ADGRB3: variants seen among roughly 807,000 people sequenced by gnomAD.
ADGRB3 encodes adhesion G protein-coupled receptor B3, also known as brain-specific angiogenesis inhibitor 3.
In ADGRB3, 37 loss-of-function variants were observed where a neutral mutation model predicts 193.4. The observed-to-expected ratio is 0.19, with a 90% CI of 0.15 to 0.25. The LOEUF (loss-of-function observed/expected upper bound fraction) is 0.25. Among genes scored for constraint, ADGRB3 ranks in the 10% least tolerant of loss-of-function variants. The pLI is 1.00. For missense variants in ADGRB3, 1,637 were observed against 1,852.9 expected (o/e 0.88, Z 2.14); for synonymous variants, 690 against 644.2 (o/e 1.07, Z -1.08).
In ADGRB3 at chr6:69,040,390, T is replaced by TC. The variant is rs1447193036; in HGVS notation, c.2108-7794dup. Among the ~76,000 whole-genome samples the TC allele has an allele frequency of 7.8e-5, 11 of 140,432 alleles. No homozygotes were observed. In the East Asian group the frequency reaches 2.2e-3, roughly 28 times the overall value. 92.1% of individuals were successfully genotyped at this position (140,432 alleles called of 152,430 possible). On this transcript the variant is annotated intron_variant, in intron 13 of 31. Transcript: ENST00000370598. ...CTTTCTTTCTTTCCTTCTCTCTCTT[T>TC]CTTTCCTTCACGCAGGTGACTCCAT...
chr6:69,192,442 C>T (rs1010687451), intron 17 of ADGRB3, among the ~76,000 whole-genome samples: 1 of 152,090 alleles, frequency 6.6e-6, no homozygotes, highest in African/African-American at 2.4e-5. Flanking sequence ...TCTGCCTCTC[C>T]CAGTCCACTG....
At chr6:68,766,669 T>C (rs1766512704) in intron 3 of ADGRB3, among the ~76,000 whole-genome samples, 1 of 152,056 alleles carries the variant, frequency 6.6e-6, no homozygotes, top group African/African-American at 2.4e-5. Flanking sequence ...ACATGTATAC[T>C]AAATGATTCC....
intron 11 of ADGRB3, 81 bp downstream of exon 11, chr6:68,994,043 T>G: frequency 7.3e-7 from 1 of 1,376,928 alleles, no homozygotes; most frequent in Non-Finnish European, 1.0e-6. Flanking sequence ...TGCAGCCGTC[T>G]TGGAGGCGGA....
At chr6:69,090,911 G>T (rs898688652) in intron 17 of ADGRB3, among the ~76,000 whole-genome samples, 1 of 152,066 alleles carries the variant, frequency 6.6e-6, no homozygotes, top group East Asian at 1.9e-4. Context: ...TTAGAAAGAA[G>T]AAACTTTCCT....
chr6:69,127,267 C>G (rs1373010239), intron 17 of ADGRB3, among the ~76,000 whole-genome samples: 1 of 152,174 alleles, frequency 6.6e-6, no homozygotes, highest in Non-Finnish European at 1.5e-5. Flanking sequence ...CATCACAAGC[C>G]CACCAAAACA....
At chr6:69,005,869 T>C (rs1769734693) in intron 11 of ADGRB3, among the ~76,000 whole-genome samples, 1 of 152,184 alleles carries the variant, frequency 6.6e-6, no homozygotes, top group South Asian at 2.1e-4. Flanking sequence ...ATATTCTTCT[T>C]ATGCCTTGGT....
At chr6:69,348,078 A>G (rs538091926) in intron 26 of ADGRB3, among the ~76,000 whole-genome samples, 9 of 152,292 alleles carry the variant, frequency 5.9e-5, no homozygotes, top group Admixed American at 3.3e-4. Flanking sequence ...CTATTATATT[A>G]TGAATATTTA....
At chr6:68,735,477 A>G (rs549394007) in intron 3 of ADGRB3, among the ~76,000 whole-genome samples, 3 of 152,200 alleles carry the variant, frequency 2.0e-5, no homozygotes, top group African/African-American at 7.2e-5. Flanking sequence ...TAGAAAAGAT[A>G]TCTATTAATT....
chr6:68,915,606 G>A (rs1001539942), intron 3 of ADGRB3, among the ~76,000 whole-genome samples: 9 of 152,026 alleles, frequency 5.9e-5, no homozygotes, highest in African/African-American at 1.4e-4. Flanking sequence ...GAGTGTCCTC[G>A]GCCTTTGTAG....
intron 17 of ADGRB3, among the ~76,000 whole-genome samples, chr6:69,158,654 G>A (rs558547192): frequency 6.6e-6 from 1 of 152,164 alleles, no homozygotes; most frequent in East Asian, 1.9e-4. Flanking sequence ...GGATATTGGG[G>A]AGGATGCCCT....
rs150081133 is a variant in ADGRB3 at position 68,951,797 on chromosome 6, A to G, written c.1196-4227A>G. On this transcript the variant is annotated intron_variant, in intron 6 of 31. Coordinates refer to ENST00000370598, the MANE Select transcript of ADGRB3 (RefSeq NM_001704.3). ...CTCTTACAAATATTGGAAGTAAGCC[A>G]TACACAAGGAGCAGGCATTGAGTGG... is the stretch of plus-strand genomic sequence containing the variant. 1.2e-4 allele frequency among the ~76,000 whole-genome samples: 19 copies of G among 152,282 alleles called. No homozygotes were observed. The East Asian group carries it at 3.5e-3, about 28-fold the overall frequency.
chr6:68,891,900 G>C (rs57539419), intron 3 of ADGRB3, among the ~76,000 whole-genome samples: 12 of 152,320 alleles, frequency 7.9e-5, no homozygotes, highest in African/African-American at 2.9e-4. Flanking sequence ...GGGTGGAGGA[G>C]CCGAAGAGTG....
At chr6:68,654,034 TGTAA>T (rs1184036859) in intron 3 of ADGRB3, among the ~76,000 whole-genome samples, 1 of 152,022 alleles carries the variant, frequency 6.6e-6, no homozygotes, top group African/African-American at 2.4e-5. Context: ...TTAATATACA[TGTAA>T]GTGTTTGGTA....
At chr6:69,272,045 A>G (rs1184511469) in intron 20 of ADGRB3, among the ~76,000 whole-genome samples, 1 of 152,234 alleles carries the variant, frequency 6.6e-6, no homozygotes, top group East Asian at 1.9e-4. Flanking sequence ...ATAGTTAAAA[A>G]TAACAAAGAA....
At chr6:69,232,274 T>G (rs1766158551) in intron 17 of ADGRB3, 2 of 556,656 alleles carry the variant, frequency 3.6e-6, no homozygotes, top group Non-Finnish European at 5.5e-6. Flanking sequence ...ATAGCATTTT[T>G]TTTTTTTCTT....
intron 17 of ADGRB3, among the ~76,000 whole-genome samples, chr6:69,219,611 A>G (rs1326196642): frequency 2.0e-5 from 3 of 150,984 alleles, no homozygotes; most frequent in Non-Finnish European, 4.4e-5. Flanking sequence ...TGGAGTTTTC[A>G]ACTTTGCTAA....
chr6:69,389,152 G>A lies in ADGRB3; in HGVS notation c.*261G>A, dbSNP rs919515880. 3.5e-6 allele frequency: 1 copy of A among 284,692 alleles called. No homozygotes were observed. The highest frequency in any genetic ancestry group is 6.6e-6 in the Non-Finnish European group (1 of 151,770). 17.6% of individuals were successfully genotyped at this position (284,692 alleles called of 1,614,324 possible). On this transcript the variant is annotated 3_prime_UTR_variant, in exon 32 of 32. Coordinates refer to ENST00000370598, the MANE Select transcript of ADGRB3 (RefSeq NM_001704.3). Reference sequence around the variant, plus strand: ...GGTAATCTTTATAGATAAACCTCAAGCAACGATTCATGTTGTAACCGCTTC... The same window carrying A: ...GGTAATCTTTATAGATAAACCTCAAACAACGATTCATGTTGTAACCGCTTC...
At chr6:69,137,078 A>ATTTTTTTTG (rs1193270145) in intron 17 of ADGRB3, among the ~76,000 whole-genome samples, 53 of 121,238 alleles carry the variant, frequency 4.4e-4, no homozygotes, top group Non-Finnish European at 6.0e-4. Context: ...TTTTTTTTTA[A>ATTTTTTTTG]TGGTAAGATC....
At chr6:69,288,961 AC>A (rs1256396991) in intron 20 of ADGRB3, among the ~76,000 whole-genome samples, 1 of 151,476 alleles carries the variant, frequency 6.6e-6, no homozygotes, top group Admixed American at 6.6e-5. Flanking sequence ...TTGTGTGTAC[AC>A]CCCCAACCCT....
Sources: allele counts gnomAD v4.1 joint callset (sites outside exome capture counted in the v4.1 genomes callset), GRCh38; gene constraint gnomAD v4.1.1; transcripts MANE v1.5; gene names NCBI Gene and HGNC (gene_info 2026-07-23, HGNC 2026-07-21).